Variants in DTNB observed in about 807,000 individuals in gnomAD.
DTNB encodes the protein DTN-B.
A neutral mutation model predicts 90.7 loss-of-function variants in DTNB; 63 were observed. That is an observed-to-expected ratio of 0.69 (90% CI 0.57 to 0.86). The LOEUF is 0.86. Among genes scored for constraint, DTNB ranks in the 40% least tolerant of loss-of-function variants. The pLI, the probability that DTNB is intolerant of heterozygous loss-of-function variation, is 0.00. For missense variants in DTNB, 744 were observed against 807.1 expected (o/e 0.92, Z 0.95); for synonymous variants, 277 against 286.7 (o/e 0.97, Z 0.34).
chr2:25,562,842 A>T (rs1398839699), intron 8 of DTNB, among the ~76,000 whole-genome samples: 1 of 151,958 alleles, frequency 6.6e-6, no homozygotes, highest in African/African-American at 2.4e-5. Flanking sequence ...GCACAATCTC[A>T]GCTCACTGCA....
chr2:25,440,822 A>G (rs1296889658), intron 12 of DTNB, among the ~76,000 whole-genome samples: 1 of 152,196 alleles, frequency 6.6e-6, no homozygotes, highest in Admixed American at 6.5e-5. Flanking sequence ...ATTTTAATGC[A>G]AATTCTTGAA....
chr2:25,651,106 TA>T (rs969509872), intron 2 of DTNB, among the ~76,000 whole-genome samples: 2 of 152,172 alleles, frequency 1.3e-5, no homozygotes, highest in South Asian at 2.1e-4. Context: ...TACCAGTGAT[TA>T]AAAAAAATTA....
chr2:25,501,123 G>A (rs1175820186), intron 9 of DTNB, among the ~76,000 whole-genome samples: 2 of 151,768 alleles, frequency 1.3e-5, no homozygotes, highest in South Asian at 2.1e-4. Context: ...CATAGTTATT[G>A]AGACAAAAAA....
At chr2:25,579,581 A>T (rs1250200066) in intron 7 of DTNB, among the ~76,000 whole-genome samples, 1 of 152,180 alleles carries the variant, frequency 6.6e-6, no homozygotes, top group Non-Finnish European at 1.5e-5. Context: ...AACTGATGGC[A>T]AGAACAGGAA....
intron 8 of DTNB, among the ~76,000 whole-genome samples, chr2:25,540,505 G>T (rs1264510969): frequency 6.6e-6 from 1 of 151,950 alleles, no homozygotes; most frequent in Non-Finnish European, 1.5e-5. Context: ...TAGAGACAGG[G>T]TCTCGCTGTT....
intron 5 of DTNB, among the ~76,000 whole-genome samples, chr2:25,606,405 G>A (rs530827698): frequency 6.6e-6 from 1 of 152,262 alleles, no homozygotes; most frequent in South Asian, 2.1e-4. Flanking sequence ...CTAGCACAGG[G>A]GAGCACAATC....
intron 8 of DTNB, among the ~76,000 whole-genome samples, chr2:25,572,616 A>G (rs1444045382): frequency 1.3e-5 from 2 of 150,680 alleles, no homozygotes; most frequent in Non-Finnish European, 3.0e-5. Context: ...AACCTTCACA[A>G]CCCATCAACC....
intron 8 of DTNB, among the ~76,000 whole-genome samples, chr2:25,534,552 G>T (rs556890064): frequency 6.6e-6 from 1 of 152,046 alleles, no homozygotes; most frequent in South Asian, 2.1e-4. Context: ...CAGATGGGGC[G>T]GCCTGGCAGA....
rs55876799 is a variant in DTNB at position 25,583,246 on chromosome 2, C to CAA, written c.604-2422_604-2421dup. Among the ~76,000 whole-genome samples the CAA allele has an allele frequency of 7.3e-4, 71 of 96,938 alleles. No homozygotes were observed. In the East Asian group the frequency reaches 9.6e-3, roughly 13 times the overall value. 63.6% of individuals were successfully genotyped at this position (96,938 alleles called of 152,430 possible). A position where few individuals can be genotyped will look rare whatever the true frequency, so the allele number is the denominator to read the frequency against. ...TGAGTGATGCAGTGAGATTCCGTCT[C>CAA]AAAAAAAAAAAAAAAAATATATATA... On this transcript the variant is annotated intron_variant, in intron 6 of 20. Coordinates refer to ENST00000406818, the MANE Select transcript of DTNB (RefSeq NM_021907.5).
At chr2:25,440,636 G>T (rs1197800005) in intron 12 of DTNB, among the ~76,000 whole-genome samples, 1 of 152,124 alleles carries the variant, frequency 6.6e-6, no homozygotes, top group East Asian at 1.9e-4. Flanking sequence ...AAGTATATAG[G>T]TATCATTTTT....
At chr2:25,510,993 G>A (rs1201735543) in intron 9 of DTNB, among the ~76,000 whole-genome samples, 1 of 152,072 alleles carries the variant, frequency 6.6e-6, no homozygotes, top group Non-Finnish European at 1.5e-5. Context: ...TCTCTTTTAG[G>A]CCTTTGTTCT....
intron 8 of DTNB, among the ~76,000 whole-genome samples, chr2:25,535,608 G>C: frequency 7.0e-6 from 1 of 141,958 alleles, no homozygotes; most frequent in African/African-American, 2.7e-5. Flanking sequence ...TCCTAGACGG[G>C]GTGGCAGCTG....
chr2:25,561,856 A>C (rs2058318444), intron 8 of DTNB, among the ~76,000 whole-genome samples: 1 of 152,182 alleles, frequency 6.6e-6, no homozygotes, highest in Non-Finnish European at 1.5e-5. Context: ...TTTCTTTATA[A>C]ATTACCCAGT....
chr2:25,467,220 T>C lies in DTNB; in HGVS notation c.1080-11726A>G, dbSNP rs146957135. Among the ~76,000 whole-genome samples the C allele has an allele frequency of 3.3e-5, 5 of 152,330 alleles. No homozygotes were observed. The East Asian group carries it at 9.6e-4, about 29-fold the overall frequency. On this transcript the variant is annotated intron_variant, in intron 10 of 20. Transcript: ENST00000406818. ...TTCAAAGGGGCCAACATTTGTACCT[T>C]TGACTACTGCTACTATACTACGAAT...
At chr2:25,589,526 G>A (rs557116842) in intron 6 of DTNB, among the ~76,000 whole-genome samples, 1 of 151,398 alleles carries the variant, frequency 6.6e-6, no homozygotes, top group East Asian at 1.9e-4. Flanking sequence ...GACTACAGGC[G>A]CCCGCCACCA....
At chr2:25,659,251 T>C (rs551446400) in intron 1 of DTNB, among the ~76,000 whole-genome samples, 12 of 152,290 alleles carry the variant, frequency 7.9e-5, no homozygotes, top group South Asian at 2.1e-4. Context: ...CCAGAGCTAA[T>C]TGACATCTAT....
At position 25,451,574 on chromosome 2, in the gene DTNB, G is replaced by C. The variant is rs754736341; in HGVS notation, c.1231C>G (p.Arg411Gly). 6.2e-7 allele frequency: 1 copy of C among 1,608,960 alleles called. No individual in the cohort carries two copies. Among genetic ancestry groups the C allele is most frequent in the South Asian group, 1.1e-5 (1 of 89,520 alleles). ...EHRLIARYAA[R>G]LAAEAGNVTR... Reference sequence around the variant, plus strand: ...ACGTTTCCTGCTTCTGCAGCCAGCCGGGCAGCATAGCGAGCTATAAGACGG... The same window carrying C: ...ACGTTTCCTGCTTCTGCAGCCAGCCCGGCAGCATAGCGAGCTATAAGACGG... Residue 411 changes from arginine (R) to glycine (G), a missense_variant, in exon 12 of 21, where the codon CGG becomes GGG. Physicochemically the swap from Arg to Gly is moderately radical, Grantham distance 125 (BLOSUM62 -2). Coordinates refer to ENST00000406818, the MANE Select transcript of DTNB (RefSeq NM_021907.5).
rs149471912 is a variant in DTNB at position 25,578,951 on chromosome 2, T to C, written c.709+1770A>G. On this transcript the variant is annotated intron_variant, in intron 7 of 20. Coordinates refer to ENST00000406818, the MANE Select transcript of DTNB (RefSeq NM_021907.5). Reference sequence around the variant, plus strand: ...GACATACAGAAAAATATTAGTGTGATAGGTAACATATTTTATTTCTAGATA... The same window carrying C: ...GACATACAGAAAAATATTAGTGTGACAGGTAACATATTTTATTTCTAGATA... Among the ~76,000 whole-genome samples, 986 of 152,270 alleles carry C rather than the reference T, an allele frequency of 6.5e-3. 10 individuals carry two copies. The highest frequency in any genetic ancestry group is 0.021 in the Middle Eastern group (6 of 292).
chr2:25,583,670 C>T (rs563356046), intron 6 of DTNB, among the ~76,000 whole-genome samples: 6 of 151,950 alleles, frequency 3.9e-5, no homozygotes, highest in South Asian at 4.2e-4. Flanking sequence ...TACAGGCATG[C>T]GCCACCACGC....
Sources: allele counts gnomAD v4.1 joint callset (sites outside exome capture counted in the v4.1 genomes callset), GRCh38; gene constraint gnomAD v4.1.1; transcripts MANE v1.5; gene names NCBI Gene and HGNC (gene_info 2026-07-23, HGNC 2026-07-21).